SPRYD7: variants seen among roughly 807,000 people sequenced by gnomAD.
SPRYD7 encodes the protein SPRY domain containing 7.
SPRYD7 carries 14 observed loss-of-function variants against 23.8 expected under a neutral mutation model. The ratio of observed to expected loss-of-function variants is 0.59; its 90% CI spans 0.39 to 0.92. The LOEUF (loss-of-function observed/expected upper bound fraction) is 0.92. Among genes scored for constraint, SPRYD7 ranks in the 40% least tolerant of loss-of-function variants. SPRYD7 has a pLI of 0.00. For synonymous variants in SPRYD7, 75 were observed against 84.9 expected (o/e 0.88, Z 0.64); for missense variants, 194 against 241.7 (o/e 0.80, Z 1.31).
chr13:49,921,342 T>G (rs892196776), intron 4 of SPRYD7, 136 bp downstream of exon 4: 1 of 577,632 alleles, frequency 1.7e-6, no homozygotes, highest in African/African-American at 1.9e-5. Flanking sequence ...TGTGGAACTG[T>G]GAGTCAATTA....
At chr13:49,920,847 G>A (rs1435904134) in intron 4 of SPRYD7, among the ~76,000 whole-genome samples, 2 of 152,124 alleles carry the variant, frequency 1.3e-5, no homozygotes, top group Admixed American at 1.3e-4. Flanking sequence ...TGTAATCCCA[G>A]TTACTCGGGA....
Position 49,936,340 on chromosome 13 carries a change from T to G in SPRYD7, c.-105A>C. On this transcript the variant is annotated 5_prime_UTR_variant, in exon 1 of 5. Transcript: ENST00000361840. ...CCCGCCCGAGGTCCGGACTTGTCTA[T>G]GTGGAGCTCGGAGGCCGGTACAGCG... The G allele has an allele frequency of 2.7e-6, 2 of 736,780 alleles. No homozygotes were observed. Among genetic ancestry groups the G allele is most frequent in the South Asian group, 2.0e-5 (1 of 51,240 alleles). 45.6% of individuals were successfully genotyped at this position (736,780 alleles called of 1,614,324 possible). A position where few individuals can be genotyped will look rare whatever the true frequency, so the allele number is the denominator to read the frequency against.
rs1271370530 is a variant in SPRYD7 at position 49,924,992 on chromosome 13, AT to A, written c.390+2926del. Among the ~76,000 whole-genome samples, 16 of 126,528 alleles carry A rather than the reference AT, an allele frequency of 1.3e-4. No homozygotes were observed. In the East Asian group the frequency reaches 2.3e-3, roughly 18 times the overall value. 83.0% of individuals were successfully genotyped at this position (126,528 alleles called of 152,430 possible). On this transcript the variant is annotated intron_variant, in intron 3 of 4. Coordinates refer to ENST00000361840, the MANE Select transcript of SPRYD7 (RefSeq NM_020456.4). The stretch of plus-strand genomic sequence containing the variant: ...ACTCCATCTCAAAAAAAAAAAATAA[AT>A]AAATAATAATAATAATAATAATAAT...
rs1455808810 is a variant in SPRYD7 at position 49,936,193 on chromosome 13, C to A, written c.43G>T (p.Gly15Trp). 4 of 1,609,562 alleles carry A rather than the reference C, an allele frequency of 2.5e-6. No homozygotes were observed. Among genetic ancestry groups the A allele is most frequent in the South Asian group, 1.1e-5 (1 of 90,596 alleles). Residue 15 changes from glycine to tryptophan, a missense_variant, in exon 1 of 5, where the codon GGG (glycine) becomes TGG (tryptophan). By Grantham distance (184) the Gly-to-Trp change is radical. Transcript: ENST00000361840. ...VLCCLRCCRDGGTGHIPLKEM... is the reference protein window; with the variant it reads ...VLCCLRCCRDWGTGHIPLKEM... ...TTCAGAGGGATGTGGCCAGTCCCCCCGTCTCTGCAGCACCGCAGGCAGCAC... is the reference window on the plus strand; with the variant it reads ...TTCAGAGGGATGTGGCCAGTCCCCCAGTCTCTGCAGCACCGCAGGCAGCAC...
chr13:49,928,444 TAAATA>T, intron 2 of SPRYD7, among the ~76,000 whole-genome samples: 1 of 152,032 alleles, frequency 6.6e-6, no homozygotes, highest in Non-Finnish European at 1.5e-5. Context: ...CCTGTCTCAA[TAAATA>T]AAATAAAATA....
At chr13:49,916,339 T>C (rs2138209633) in intron 4 of SPRYD7, among the ~76,000 whole-genome samples, 1 of 152,308 alleles carries the variant, frequency 6.6e-6, no homozygotes, top group South Asian at 2.1e-4. Flanking sequence ...CACATTACTA[T>C]ATACTTTATA....
At chr13:49,925,116 G>A (rs926732619) in intron 3 of SPRYD7, among the ~76,000 whole-genome samples, 1 of 151,918 alleles carries the variant, frequency 6.6e-6, no homozygotes, top group African/African-American at 2.4e-5. Context: ...CTTAGGTCTG[G>A]GCACGGTGGC....
At chr13:49,916,412 A>AT (rs1955751905) in intron 4 of SPRYD7, among the ~76,000 whole-genome samples, 1 of 152,154 alleles carries the variant, frequency 6.6e-6, no homozygotes, top group Admixed American at 6.6e-5. Context: ...GTCACCAGTG[A>AT]TTTTAACAAG....
intron 2 of SPRYD7, among the ~76,000 whole-genome samples, chr13:49,929,482 T>C (rs985018808): frequency 2.0e-5 from 3 of 151,096 alleles, no homozygotes; most frequent in Non-Finnish European, 4.4e-5. Flanking sequence ...CAATAAAGCT[T>C]GTTTTGTTTT....
intron 3 of SPRYD7, among the ~76,000 whole-genome samples, chr13:49,924,658 T>C (rs1955858590): frequency 6.6e-6 from 1 of 151,924 alleles, no homozygotes; most frequent in Non-Finnish European, 1.5e-5. Context: ...TAATTTCTCT[T>C]AATCTGTAAA....
At position 49,914,032 on chromosome 13, in the gene SPRYD7, G is replaced by C. The variant is rs1955724310; in HGVS notation, c.*1031C>G. 6.5e-6 allele frequency: 1 copy of C among 153,446 alleles called. No homozygotes were observed. The highest frequency in any genetic ancestry group is 1.5e-5 in the Non-Finnish European group (1 of 68,034). 9.5% of individuals were successfully genotyped at this position (153,446 alleles called of 1,614,324 possible). A position where few individuals can be genotyped will look rare whatever the true frequency, so the allele number is the denominator to read the frequency against. ...CAATGTACTGTTTCTAGTTGATAAA[G>C]GAGGGAAATGTATGCATCCTTGCCA... On this transcript the variant is annotated 3_prime_UTR_variant, in exon 5 of 5. Transcript: ENST00000361840.
At chr13:49,917,812 G>T (rs1005101379) in intron 4 of SPRYD7, among the ~76,000 whole-genome samples, 1 of 152,086 alleles carries the variant, frequency 6.6e-6, no homozygotes, top group Non-Finnish European at 1.5e-5. Context: ...GTAAATAAAG[G>T]AATTGCTTTT....
At chr13:49,931,185 T>G (rs760404942) in intron 1 of SPRYD7, 51 bp from the exon 2 acceptor site, 1 of 1,297,492 alleles carries the variant, frequency 7.7e-7, no homozygotes, top group South Asian at 1.3e-5. Context: ...TCTTTTCTTT[T>G]CTTTTCTTTT....
At chr13:49,921,785 T>G (rs1955824431) in intron 3 of SPRYD7, among the ~76,000 whole-genome samples, 1 of 152,050 alleles carries the variant, frequency 6.6e-6, no homozygotes. Flanking sequence ...ATCCCAAGAG[T>G]CCACATTAGA....
intron 1 of SPRYD7, 44 bp downstream of exon 1, chr13:49,936,086 C>T (rs776133836): frequency 1.4e-6 from 2 of 1,459,732 alleles, no homozygotes; most frequent in African/African-American, 1.4e-5. Context: ...CCGCCGCGCC[C>T]GGCCCCCGTG....
intron 1 of SPRYD7, 52 bp downstream of exon 1, chr13:49,936,078 G>A (rs1045863717): frequency 1.3e-5 from 16 of 1,195,162 alleles, no homozygotes; most frequent in Non-Finnish European, 1.8e-5. Flanking sequence ...CCCCCTGCCC[G>A]CCGCGCCCGG....
At chr13:49,926,360 T>A (rs1955882389) in intron 3 of SPRYD7, among the ~76,000 whole-genome samples, 1 of 152,200 alleles carries the variant, frequency 6.6e-6, no homozygotes, top group African/African-American at 2.4e-5. Flanking sequence ...ATGTTTGAAT[T>A]TCATCTTTTA....
chr13:49,919,222 G>T (rs1050729132), intron 4 of SPRYD7, among the ~76,000 whole-genome samples: 57 of 150,938 alleles, frequency 3.8e-4, no homozygotes, highest in Non-Finnish European at 7.1e-4. Flanking sequence ...TTCGAGATCA[G>T]CCTGGCCAAC....
intron 4 of SPRYD7, among the ~76,000 whole-genome samples, chr13:49,917,873 A>T (rs1304683749): frequency 6.6e-6 from 1 of 152,210 alleles, no homozygotes; most frequent in Non-Finnish European, 1.5e-5. Flanking sequence ...ACACATTTAC[A>T]TGCAAGGACA....
Sources: allele counts gnomAD v4.1 joint callset (sites outside exome capture counted in the v4.1 genomes callset), GRCh38; gene constraint gnomAD v4.1.1; transcripts MANE v1.5; gene names NCBI Gene and HGNC (gene_info 2026-07-23, HGNC 2026-07-21).